The following IL1RAPL2 variants were observed in gnomAD, a reference collection of about 807,000 sequenced individuals.
IL1RAPL2 encodes the protein X-linked interleukin-1 receptor accessory protein-like 2.
Under a neutral mutation model 44.1 loss-of-function variants are expected in IL1RAPL2, and 3 were observed. That is an observed-to-expected ratio of 0.07 (90% CI 0.03 to 0.18). IL1RAPL2 has a LOEUF of 0.18. Ranked by LOEUF, IL1RAPL2 falls within the 10% of genes least tolerant of loss-of-function variation. The pLI, the probability that IL1RAPL2 is intolerant of heterozygous loss-of-function variation, is 1.00. For missense variants in IL1RAPL2, 391 were observed against 496.4 expected, an observed-to-expected ratio of 0.79 and a Z score of 2.02; for synonymous variants, 181 against 178.8, an observed-to-expected ratio of 1.01 and a Z score of -0.10.
intron 5 of IL1RAPL2, among the ~76,000 whole-genome samples, chrX:105,354,969 T>C (rs1431580827): frequency 8.9e-6 from 1 of 111,887 alleles, no homozygotes; most frequent in Non-Finnish European, 1.9e-5. Context: ...AGTCATTCCT[T>C]TCTGTTCCCT....
chrX:104,875,708 T>C (rs1922884041), intron 2 of IL1RAPL2, among the ~76,000 whole-genome samples: 2 of 112,019 alleles, frequency 1.8e-5, no homozygotes, highest in African/African-American at 6.5e-5. Context: ...AGTTGAGCTA[T>C]GTTATTCAAA....
intron 2 of IL1RAPL2, among the ~76,000 whole-genome samples, chrX:104,674,360 G>A (rs1476410803): frequency 3.6e-5 from 4 of 112,025 alleles, no homozygotes; most frequent in Non-Finnish European, 7.5e-5. Flanking sequence ...AGATAATCAT[G>A]TGGTTTTTGT....
chrX:105,710,381 G>A lies in IL1RAPL2; in HGVS notation c.773-6986G>A, dbSNP rs867045549. On this transcript the variant is annotated intron_variant, in intron 6 of 10. Coordinates refer to ENST00000372582, the MANE Select transcript of IL1RAPL2 (RefSeq NM_017416.2). ...CTACTTTTTTTTTTTTTTTTTTTTC[G>A]GTTTCCACCATCTGGGATAACTAAC... Among the ~76,000 whole-genome samples the A allele has an allele frequency of 2.0e-4, 5 of 24,547 alleles. 1 individual carries two copies. Among genetic ancestry groups the A allele is most frequent in the Middle Eastern group, 0.045 (2 of 44 alleles). The allele number at this position is 24,547 out of a possible 115,157, so 21.3% of individuals were successfully genotyped here.
intron 2 of IL1RAPL2, among the ~76,000 whole-genome samples, chrX:104,706,736 G>A (rs1255987551): frequency 8.9e-6 from 1 of 111,760 alleles, no homozygotes; most frequent in Non-Finnish European, 1.9e-5. Context: ...TTTGGTGAAG[G>A]AAATGCACAT....
chrX:105,408,646 A>AT (rs1470861759), intron 5 of IL1RAPL2, among the ~76,000 whole-genome samples: 12 of 111,809 alleles, frequency 1.1e-4, no homozygotes, highest in African/African-American at 3.9e-4. Flanking sequence ...GAAGTATTGT[A>AT]TTGAGAGATA....
At chrX:105,002,301 T>C (rs1036462607) in intron 2 of IL1RAPL2, among the ~76,000 whole-genome samples, 7 of 110,625 alleles carry the variant, frequency 6.3e-5, no homozygotes, top group African/African-American at 1.3e-4. Context: ...CAAGTTTGAG[T>C]GTAAAATAAA....
At position 105,377,973 on chromosome X, in the gene IL1RAPL2, T is replaced by C. The variant is rs142576123; in HGVS notation, c.698-106340T>C. Among the ~76,000 whole-genome samples the C allele has an allele frequency of 1.3e-4, 14 of 111,831 alleles. No homozygotes were observed. The East Asian group carries it at 2.8e-3, about 22-fold the overall frequency. On this transcript the variant is annotated intron_variant, in intron 5 of 10. Coordinates refer to ENST00000372582, the MANE Select transcript of IL1RAPL2 (RefSeq NM_017416.2). ...AAAGTAAGCAAATCTGGAATTAAAA[T>C]CTTACAAATTGAAATAATATTTCTC...
At chrX:104,611,396 G>A (rs1404038466) in intron 1 of IL1RAPL2, among the ~76,000 whole-genome samples, 1 of 111,098 alleles carries the variant, frequency 9.0e-6, no homozygotes, top group Non-Finnish European at 1.9e-5. Flanking sequence ...TTGCTGAGCT[G>A]TGGTGGGCTC....
intron 10 of IL1RAPL2, 25 bp from the exon 11 acceptor site, chrX:105,766,933 TTTACTC>T: frequency 9.2e-7 from 1 of 1,086,639 alleles, no homozygotes; most frequent in South Asian, 2.0e-5. Flanking sequence ...ATGTCTTTGT[TTTACTC>T]TTTCTCTCTT....
intron 4 of IL1RAPL2, among the ~76,000 whole-genome samples, chrX:105,264,978 G>A (rs959388831): frequency 1.9e-4 from 21 of 112,012 alleles, no homozygotes; most frequent in African/African-American, 5.5e-4. Context: ...GGGCTATCTC[G>A]ATCATTCCCA....
At chrX:105,678,725 C>T (rs1028786441) in intron 6 of IL1RAPL2, among the ~76,000 whole-genome samples, 1 of 111,165 alleles carries the variant, frequency 9.0e-6, no homozygotes, top group African/African-American at 3.3e-5. Flanking sequence ...TCAAAAGTCT[C>T]TGATACTTGA....
chrX:105,687,792 A>T (rs181322454), intron 6 of IL1RAPL2, among the ~76,000 whole-genome samples: 7 of 111,938 alleles, frequency 6.3e-5, no homozygotes, highest in African/African-American at 1.9e-4. Flanking sequence ...TTAGACCAGT[A>T]TCCCTGATGA....
intron 2 of IL1RAPL2, among the ~76,000 whole-genome samples, chrX:104,906,429 T>C (rs1487758993): frequency 9.0e-6 from 1 of 111,388 alleles, no homozygotes; most frequent in Non-Finnish European, 1.9e-5. Context: ...CAGTATGATA[T>C]TGGCTGTGGG....
At chrX:105,170,975 T>C (rs1482212335) in intron 2 of IL1RAPL2, among the ~76,000 whole-genome samples, 2 of 111,369 alleles carry the variant, frequency 1.8e-5, no homozygotes, top group Admixed American at 1.9e-4. Context: ...CAGGCAGCGG[T>C]AAAGGGTGGT....
At chrX:104,858,389 A>G (rs969811333) in intron 2 of IL1RAPL2, among the ~76,000 whole-genome samples, 2 of 111,902 alleles carry the variant, frequency 1.8e-5, no homozygotes, top group Non-Finnish European at 3.8e-5. Context: ...TAAACCTGCT[A>G]TTGGTATGAA....
chrX:104,921,664 A>T (rs1038487942), intron 2 of IL1RAPL2, among the ~76,000 whole-genome samples: 2 of 112,781 alleles, frequency 1.8e-5, no homozygotes, highest in Non-Finnish European at 3.8e-5. Context: ...CCTCACTGTC[A>T]GAATAAGAGA....
intron 5 of IL1RAPL2, among the ~76,000 whole-genome samples, chrX:105,475,433 C>T (rs1268069653): frequency 9.0e-6 from 1 of 111,092 alleles, no homozygotes; most frequent in Non-Finnish European, 1.9e-5. Context: ...AAATGATGAT[C>T]TTTAAGCAAG....
chrX:104,897,878 T>C (rs891048019), intron 2 of IL1RAPL2, among the ~76,000 whole-genome samples: 5 of 111,767 alleles, frequency 4.5e-5, no homozygotes, highest in Non-Finnish European at 3.8e-5. Context: ...GAACCTTTTG[T>C]AAAGTGAAGA....
intron 5 of IL1RAPL2, among the ~76,000 whole-genome samples, chrX:105,322,568 T>G (rs1417377493): frequency 8.9e-6 from 1 of 111,809 alleles, no homozygotes; most frequent in Non-Finnish European, 1.9e-5. Context: ...TCCTAGAGGA[T>G]GCTCTCATGT....
Sources: allele counts gnomAD v4.1 joint callset (sites outside exome capture counted in the v4.1 genomes callset), GRCh38; gene constraint gnomAD v4.1.1; transcripts MANE v1.5; gene names NCBI Gene and HGNC (gene_info 2026-07-23, HGNC 2026-07-21).